Variants in ABR observed in about 807,000 individuals in gnomAD.
ABR encodes ABR activator of RhoGEF and GTPase.
In ABR, 35 loss-of-function variants were observed where a neutral mutation model predicts 107.2. The ratio of observed to expected loss-of-function variants is 0.33; its 90% confidence interval spans 0.25 to 0.43. The LOEUF (loss-of-function observed/expected upper bound fraction) is 0.43, where lower values mean the gene tolerates loss of function less well. Among genes scored for constraint, ABR ranks in the 20% least tolerant of loss-of-function variants. ABR has a pLI of 1.00. For missense variants in ABR, 815 were observed against 1,115.2 expected, an observed-to-expected ratio of 0.73 and a Z score of 3.83; for synonymous variants, 498 against 462.0, an observed-to-expected ratio of 1.08 and a Z score of -1.00.
intron 16 of ABR, among the ~76,000 whole-genome samples, chr17:1,045,434 T>C (rs1258564056): frequency 6.6e-6 from 1 of 151,558 alleles, no homozygotes; most frequent in Non-Finnish European, 1.5e-5. Context: ...TCTTCCGTCT[T>C]CTTACAGCAG....
At position 1,160,477 on chromosome 17, in the gene ABR, C is replaced by T. The variant is rs560378361; in HGVS notation, c.61+19190G>A. 2.2e-4 allele frequency among the ~76,000 whole-genome samples: 34 copies of T among 152,340 alleles called. 1 individual carries two copies. The South Asian group carries it at 5.0e-3, about 22-fold the overall frequency. ...TTCATGCAACCAGCATTGACACCTA[C>T]GTCTCTCTGACTCTAAGGAGAACTG... On this transcript the variant is annotated intron_variant, in intron 1 of 22. Coordinates refer to ENST00000302538, the MANE Select transcript of ABR (RefSeq NM_021962.5).
chr17:1,089,117 C>T (rs900850301), intron 4 of ABR, among the ~76,000 whole-genome samples: 6 of 151,500 alleles, frequency 4.0e-5, no homozygotes, highest in African/African-American at 1.5e-4. Context: ...AGGCTGGTCT[C>T]GAACTCCTGA....
intron 1 of ABR, among the ~76,000 whole-genome samples, chr17:1,218,151 C>G (rs908981737): frequency 1.3e-5 from 2 of 152,206 alleles, no homozygotes; most frequent in Non-Finnish European, 2.9e-5. Flanking sequence ...ATGCCGGACC[C>G]CATGCTACAT....
At chr17:1,126,918 G>A (rs1260764315) in intron 1 of ABR, among the ~76,000 whole-genome samples, 1 of 152,216 alleles carries the variant, frequency 6.6e-6, no homozygotes, top group Non-Finnish European at 1.5e-5. Flanking sequence ...TCAGGTCTGA[G>A]GCTTCAGCCA....
At chr17:1,171,940 A>AAG (rs2041728801) in intron 1 of ABR, among the ~76,000 whole-genome samples, 1 of 152,148 alleles carries the variant, frequency 6.6e-6, no homozygotes, top group Non-Finnish European at 1.5e-5. Flanking sequence ...CAAAAAAATG[A>AAG]AGAAAGAGGG....
chr17:1,164,644 G>A (rs2041435010), intron 1 of ABR, among the ~76,000 whole-genome samples: 1 of 152,202 alleles, frequency 6.6e-6, no homozygotes, highest in Admixed American at 6.5e-5. Flanking sequence ...AGTCTACTAT[G>A]TCCTAAGTTT....
At chr17:1,058,136 CTTTTTTT>C (rs71148422) in intron 11 of ABR, 91 bp from the exon 12 acceptor site, 4 of 318,898 alleles carry the variant, frequency 1.3e-5, no homozygotes, top group East Asian at 7.4e-5. Flanking sequence ...CTCCTTTTAT[CTTTTTTT>C]TTTTTTTTTT....
intron 2 of ABR, among the ~76,000 whole-genome samples, chr17:1,120,558 C>T (rs577282927): frequency 1.4e-4 from 22 of 152,314 alleles, no homozygotes; most frequent in African/African-American, 5.1e-4. Flanking sequence ...GGATGACAGG[C>T]GTGAGCCACC....
chr17:1,191,575 C>T (rs916311340), upstream of ABR, among the ~76,000 whole-genome samples: 5 of 151,914 alleles, frequency 3.3e-5, no homozygotes, highest in African/African-American at 9.7e-5. Flanking sequence ...AGGCTGGTCT[C>T]GAACTCCTGA....
At chr17:1,033,665 ACACGTCACAC>A (rs1188214777) in intron 16 of ABR, among the ~76,000 whole-genome samples, 1 of 152,156 alleles carries the variant, frequency 6.6e-6, no homozygotes, top group Non-Finnish European at 1.5e-5. Context: ...TTCCTGGCTC[ACACGTCACAC>A]GCACCCCTGG....
chr17:1,225,057 G>C (rs903067880), intron 1 of ABR, among the ~76,000 whole-genome samples: 6 of 151,550 alleles, frequency 4.0e-5, no homozygotes, highest in African/African-American at 1.2e-4. Flanking sequence ...GCTGAGGCAG[G>C]AGAATGGTGT....
At chr17:1,201,257 G>A (rs1384952964) in intron 1 of ABR, among the ~76,000 whole-genome samples, 1 of 152,172 alleles carries the variant, frequency 6.6e-6, no homozygotes, top group African/African-American at 2.4e-5. Context: ...GGGTTCTAGA[G>A]ACAGAACAGA....
At chr17:1,025,119 C>CAAAAAAAAAAAAAAAAAAAAAA (rs71272843) in intron 16 of ABR, among the ~76,000 whole-genome samples, 1 of 37,706 alleles carries the variant, frequency 2.7e-5, no homozygotes, top group African/African-American at 8.7e-5. Flanking sequence ...GACTCCGTCT[C>CAAAAAAAAAAAAAAAAAAAAAA]AAAAAAAAAA....
Position 1,012,873 on chromosome 17 carries a change from C to A in ABR, c.1852-76G>T, listed in dbSNP as rs937014699. On this transcript the variant is annotated intron_variant, in intron 17 of 22. Coordinates refer to ENST00000302538, the MANE Select transcript of ABR (RefSeq NM_021962.5). ...GGAATGCCCCCAAAACACAGGGGTC[C>A]CCTCCCCAAGACTGCAAATGAGGGC... The A allele has an allele frequency of 6.1e-6, 8 of 1,318,924 alleles. No homozygotes were observed. In the African/African-American group the frequency reaches 1.0e-4, roughly 17 times the overall value. 81.7% of individuals were successfully genotyped at this position (1,318,924 alleles called of 1,614,324 possible).
intron 3 of ABR, among the ~76,000 whole-genome samples, chr17:1,099,084 G>A (rs929528526): frequency 6.7e-6 from 1 of 149,990 alleles, no homozygotes; most frequent in Non-Finnish European, 1.5e-5. Context: ...ACTGCACCCA[G>A]CCTTTTTTTT....
intron 3 of ABR, among the ~76,000 whole-genome samples, chr17:1,095,357 T>C (rs1444838292): frequency 1.3e-5 from 2 of 152,188 alleles, no homozygotes; most frequent in African/African-American, 2.4e-5. Flanking sequence ...CATGACACGA[T>C]GGGGACCTTG....
chr17:1,009,787 G>A lies in ABR; in HGVS notation c.2237-3C>T. The A allele has an allele frequency of 3.1e-6, 5 of 1,613,450 alleles. No homozygotes were observed. The highest frequency in any genetic ancestry group is 2.2e-5 in the East Asian group (1 of 44,882). ...CTTGGCAGCAGGGTCTGACAGGGCT[G>A]TGGGAGAGAAGGGCCAGTGTGGCGT... On this transcript the variant is annotated splice_region_variant and splice_polypyrimidine_tract_variant and intron_variant, in intron 20 of 22. Coordinates refer to ENST00000302538, the MANE Select transcript of ABR (RefSeq NM_021962.5).
intron 16 of ABR, among the ~76,000 whole-genome samples, chr17:1,021,718 C>T (rs530130361): frequency 1.3e-5 from 2 of 151,634 alleles, no homozygotes; most frequent in Non-Finnish European, 2.9e-5. Context: ...GCAGGAGAAT[C>T]GCTTGAACCC....
rs1205386384 is a variant in ABR at position 1,179,212 on chromosome 17, G to T, written c.61+455C>A. ...CCACACATGACCCGGTGCCCCTGGG[G>T]TGGCAAACTCGGGTGCCAACGACTG... On this transcript the variant is annotated intron_variant, in intron 1 of 22. Coordinates refer to ENST00000302538, the MANE Select transcript of ABR (RefSeq NM_021962.5). This position sits in a 1 kb window ranked among gnomAD's most constrained non-coding sequence, Gnocchi z 4.9. 6.6e-6 allele frequency among the ~76,000 whole-genome samples: 1 copy of T among 151,988 alleles called. No individual in the cohort carries two copies. Among genetic ancestry groups the T allele is most frequent in the Non-Finnish European group, 1.5e-5 (1 of 67,982 alleles).
Sources: gnomAD v4.1 joint callset for allele counts (sites outside exome capture counted in the v4.1 genomes callset) on GRCh38, gnomAD v4.1.1 for gene constraint, Gnocchi (gnomAD v3.1) non-coding constraint, MANE v1.5 for transcripts, NCBI Gene and HGNC (gene_info 2026-07-23, HGNC 2026-07-21) for gene names.